Variants in LINGO2 observed in about 807,000 individuals in gnomAD.
The protein encoded by LINGO2 is leucine-rich repeat and immunoglobulin-like domain-containing nogo receptor-interacting protein 2.
Under a neutral mutation model 30.6 loss-of-function variants are expected in LINGO2, and 14 were observed. The observed-to-expected ratio is 0.46, with a 90% CI of 0.30 to 0.72. The LOEUF is 0.72. Ranked by LOEUF, LINGO2 falls within the 30% of genes least tolerant of loss-of-function variation. The pLI is 0.07. For missense variants in LINGO2, 729 were observed against 751.7 expected (o/e 0.97, Z 0.35); for synonymous variants, 317 against 288.5 (o/e 1.10, Z -1.00).
At chr9:28,588,525 G>C (rs892380944) in intron 1 of LINGO2, among the ~76,000 whole-genome samples, 1 of 151,884 alleles carries the variant, frequency 6.6e-6, no homozygotes, top group South Asian at 2.1e-4. Flanking sequence ...TGGGAGCCTG[G>C]GGATGGTGGG....
the LINGO2 span, among the ~76,000 whole-genome samples, chr9:28,842,371 T>C: frequency 1.3e-5 from 2 of 151,930 alleles, no homozygotes; most frequent in African/African-American, 2.4e-5. Context: ...TAGGTCTCTG[T>C]GCCTACAAAC....
chr9:29,164,366 G>C, the LINGO2 span, among the ~76,000 whole-genome samples: 1 of 152,068 alleles, frequency 6.6e-6, no homozygotes, highest in South Asian at 2.1e-4. Context: ...CAAATCTCTA[G>C]TCATTGTCCT....
chr9:28,227,337 T>C (rs929218298), intron 4 of LINGO2, among the ~76,000 whole-genome samples: 1 of 152,072 alleles, frequency 6.6e-6, no homozygotes, highest in South Asian at 2.1e-4. Flanking sequence ...TTAGGAGAGA[T>C]AGAGCAGCTG....
rs79467308 is a variant in LINGO2, at chr9:28,487,058, G to T, written c.-364-11033C>A. On this transcript the variant is annotated intron_variant, in intron 1 of 5. Coordinates refer to ENST00000379992, the Ensembl canonical transcript of LINGO2. Reference sequence around the variant, plus strand: ...TAACCCATATATAGAGTAAACCATAGAAAGAAAAAGTGGAGCTCTGCTTGG... The same window carrying T: ...TAACCCATATATAGAGTAAACCATATAAAGAAAAAGTGGAGCTCTGCTTGG... 2.4e-3 allele frequency among the ~76,000 whole-genome samples: 369 copies of T among 152,182 alleles called. 1 individual carries two copies. The highest frequency in any genetic ancestry group is 4.3e-3 in the Non-Finnish European group (294 of 67,990).
chr9:28,810,746 T>A, the LINGO2 span, among the ~76,000 whole-genome samples: 1 of 152,166 alleles, frequency 6.6e-6, no homozygotes, highest in Non-Finnish European at 1.5e-5. Flanking sequence ...TATTTACTGA[T>A]CTCTCAGTAG....
the LINGO2 span, among the ~76,000 whole-genome samples, chr9:29,201,564 T>A: frequency 6.6e-6 from 1 of 152,068 alleles, no homozygotes; most frequent in Non-Finnish European, 1.5e-5. Context: ...ATCAAACTCA[T>A]ATTATATTAA....
intron 4 of LINGO2, among the ~76,000 whole-genome samples, chr9:28,094,933 A>G (rs1404847840): frequency 1.3e-5 from 2 of 152,140 alleles, no homozygotes; most frequent in Non-Finnish European, 2.9e-5. Flanking sequence ...GAGATAGGAC[A>G]TAGGTGGACA....
At chr9:28,886,800 G>T in the LINGO2 span, among the ~76,000 whole-genome samples, 1 of 152,082 alleles carries the variant, frequency 6.6e-6, no homozygotes, top group Non-Finnish European at 1.5e-5. Context: ...ACATGCAATT[G>T]TGAGACACAT....
the LINGO2 span, among the ~76,000 whole-genome samples, chr9:29,000,523 AACTT>A: frequency 6.6e-6 from 1 of 151,908 alleles, no homozygotes; most frequent in East Asian, 1.9e-4. Context: ...ACTAAAAACA[AACTT>A]ACTTAAAAAT....
intron 3 of LINGO2, among the ~76,000 whole-genome samples, chr9:28,364,321 C>G (rs944931535): frequency 6.6e-6 from 1 of 151,594 alleles, no homozygotes; most frequent in Non-Finnish European, 1.5e-5. Flanking sequence ...TGAGTGTCAT[C>G]ATCTACCACT....
intron 4 of LINGO2, among the ~76,000 whole-genome samples, chr9:28,140,368 G>A (rs1032890313): frequency 5.9e-5 from 9 of 152,148 alleles, no homozygotes; most frequent in African/African-American, 9.7e-5. Context: ...TGACATTCAC[G>A]AACTAAATCA....
At chr9:28,306,885 G>T (rs368680994) in intron 3 of LINGO2, among the ~76,000 whole-genome samples, 1 of 152,128 alleles carries the variant, frequency 6.6e-6, no homozygotes. Flanking sequence ...CCACGAACAA[G>T]TTGAATCTCT....
At chr9:28,675,175 T>C (rs1181278758), upstream of LINGO2, among the ~76,000 whole-genome samples, 1 of 152,180 alleles carries the variant, frequency 6.6e-6, no homozygotes, top group African/African-American at 2.4e-5. Context: ...ACTTCACATA[T>C]ATATAACTGA....
At chr9:27,971,904 A>G (rs1820374129) in intron 5 of LINGO2, among the ~76,000 whole-genome samples, 1 of 152,172 alleles carries the variant, frequency 6.6e-6, no homozygotes, top group African/African-American at 2.4e-5. Context: ...ATTTAGATAG[A>G]GTGCTCTTCA....
intron 1 of LINGO2, among the ~76,000 whole-genome samples, chr9:28,617,918 G>A (rs1301082343): frequency 1.3e-5 from 2 of 151,948 alleles, no homozygotes; most frequent in African/African-American, 2.4e-5. Flanking sequence ...AAAGATACAT[G>A]GTATAAATAT....
the LINGO2 span, among the ~76,000 whole-genome samples, chr9:29,171,188 T>C: frequency 1.3e-5 from 2 of 152,042 alleles, no homozygotes; most frequent in Admixed American, 1.3e-4. Context: ...ACTGAGAAAT[T>C]TGCATATGGT....
chr9:29,171,307 A>T, the LINGO2 span, among the ~76,000 whole-genome samples: 1 of 152,090 alleles, frequency 6.6e-6, no homozygotes, highest in Non-Finnish European at 1.5e-5. Flanking sequence ...ACATGAAGAG[A>T]TCCTCTCTGA....
chr9:27,942,342 A>G, the LINGO2 span: 1 of 151,950 alleles, frequency 6.6e-6, no homozygotes, highest in Non-Finnish European at 1.5e-5. Context: ...CAATAAGAAA[A>G]TATTTTTATA....
the LINGO2 span, among the ~76,000 whole-genome samples, chr9:28,733,414 T>C: frequency 6.6e-6 from 1 of 152,140 alleles, no homozygotes; most frequent in African/African-American, 2.4e-5. Context: ...AAATCCTACA[T>C]CAAAAAATAT....
Sources: gnomAD v4.1 joint callset for allele counts (sites outside exome capture counted in the v4.1 genomes callset) on GRCh38, gnomAD v4.1.1 for gene constraint, MANE v1.5 for transcripts, NCBI Gene and HGNC (gene_info 2026-07-23, HGNC 2026-07-21) for gene names.